The following IKZF3 variants were observed in gnomAD, a reference collection of about 807,000 sequenced individuals.
IKZF3 encodes zinc finger protein Aiolos.
Under a neutral mutation model 49.0 loss-of-function variants are expected in IKZF3, and 10 were observed. That is an observed-to-expected ratio of 0.20 (90% CI 0.13 to 0.35). The LOEUF is 0.35. Among genes scored for constraint, IKZF3 ranks in the 10% least tolerant of loss-of-function variants. The pLI is 1.00. For missense variants in IKZF3, 498 were observed against 664.8 expected (o/e 0.75, Z 2.76); for synonymous variants, 209 against 228.2 (o/e 0.92, Z 0.76).
In IKZF3 at chr17:39,791,405, C is replaced by T. The variant is rs368005069; in HGVS notation, c.592+11G>A. On this transcript the variant is annotated intron_variant, in intron 5 of 7. Coordinates refer to ENST00000346872, the MANE Select transcript of IKZF3 (RefSeq NM_012481.5). ...CTTCCTAGACAAGGAATGCTCATTT[C>T]TCTCACTTACCAGAATGTGTCCTAA... is the stretch of plus-strand genomic sequence containing the variant. 3 of 1,613,214 alleles carry T rather than the reference C, an allele frequency of 1.9e-6. No homozygotes were observed. The African/African-American group carries it at 4.0e-5, about 22-fold the overall frequency.
chr17:39,862,469 A>C (rs1390763080), intron 1 of IKZF3, among the ~76,000 whole-genome samples: 1 of 152,152 alleles, frequency 6.6e-6, no homozygotes, highest in African/African-American at 2.4e-5. Flanking sequence ...AAAATTTTTT[A>C]AATATCAAAA....
rs2060170661 is a variant in IKZF3, at chr17:39,761,008, A to G, written c.*4782T>C. ...TCTGCAGAAAAATACAAAAAAAATTAGCTGTGCATGGTGGTGTGCCTATAG... is the reference window on the plus strand; with the variant it reads ...TCTGCAGAAAAATACAAAAAAAATTGGCTGTGCATGGTGGTGTGCCTATAG... On this transcript the variant is annotated 3_prime_UTR_variant, in exon 8 of 8. Coordinates refer to ENST00000346872, the MANE Select transcript of IKZF3 (RefSeq NM_012481.5). 1 of 150,916 alleles carries G rather than the reference A, an allele frequency of 6.6e-6. No homozygotes were observed. The highest frequency in any genetic ancestry group is 1.5e-5 in the Non-Finnish European group (1 of 68,048). 9.3% of individuals were successfully genotyped at this position (150,916 alleles called of 1,614,324 possible). A position where few individuals can be genotyped will look rare whatever the true frequency, so the allele number is the denominator to read the frequency against.
rs535907655 is a variant in IKZF3, at chr17:39,841,099, C to T, written c.8-8948G>A. 1.1e-4 allele frequency among the ~76,000 whole-genome samples: 16 copies of T among 152,118 alleles called. No individual in the cohort carries two copies. In the South Asian group the frequency reaches 3.3e-3, roughly 32 times the overall value. On this transcript the variant is annotated intron_variant, in intron 1 of 7. Transcript: ENST00000346872. The stretch of plus-strand genomic sequence containing the variant: ...GGCTGAGGTGGGAGGATCACTTGAG[C>T]CCTGGAAGTCGAGGCTGCAGTGAGA...
chr17:39,772,738 G>A (rs1200526426), intron 7 of IKZF3, among the ~76,000 whole-genome samples: 4 of 152,192 alleles, frequency 2.6e-5, no homozygotes, highest in Admixed American at 1.3e-4. Flanking sequence ...TTCTCATGGA[G>A]TCACCAGGGA....
At chr17:39,809,095 C>A (rs1021770387) in intron 3 of IKZF3, among the ~76,000 whole-genome samples, 1 of 152,152 alleles carries the variant, frequency 6.6e-6, no homozygotes, top group Non-Finnish European at 1.5e-5. Context: ...TTTAATGCCA[C>A]CAGACTGATG....
At chr17:39,786,277 G>A (rs2060872828) in intron 6 of IKZF3, among the ~76,000 whole-genome samples, 1 of 152,208 alleles carries the variant, frequency 6.6e-6, no homozygotes, top group African/African-American at 2.4e-5. Flanking sequence ...AAGTTCTGGT[G>A]AATTTTAAGT....
rs375104521 is a variant in IKZF3 at position 39,787,010 on chromosome 17, C to T, written c.709+1248G>A. Among the ~76,000 whole-genome samples, 12 of 152,322 alleles carry T rather than the reference C, an allele frequency of 7.9e-5. No homozygotes were observed. In the East Asian group the frequency reaches 1.2e-3, roughly 15 times the overall value. On this transcript the variant is annotated intron_variant, in intron 6 of 7. Transcript: ENST00000346872. ...AGGGCAGTTTAGGTAGTCATTTCTA[C>T]TCCATTTTTCCTGAGTTTCACATTA...
At chr17:39,785,053 G>A (rs1429670763) in intron 6 of IKZF3, among the ~76,000 whole-genome samples, 1 of 152,094 alleles carries the variant, frequency 6.6e-6, no homozygotes, top group Non-Finnish European at 1.5e-5. Flanking sequence ...TACAAGTGAC[G>A]GATGAGGCAT....
chr17:39,800,019 C>T (rs908113102), intron 3 of IKZF3, among the ~76,000 whole-genome samples: 1 of 152,124 alleles, frequency 6.6e-6, no homozygotes, highest in Non-Finnish European at 1.5e-5. Context: ...GTTTATTTTG[C>T]CCTGATTTCA....
chr17:39,803,140 C>T (rs1336758231), intron 3 of IKZF3, among the ~76,000 whole-genome samples: 1 of 152,138 alleles, frequency 6.6e-6, no homozygotes, highest in Non-Finnish European at 1.5e-5. Context: ...CTAAGCTCTT[C>T]AAATGTCATG....
At chr17:39,838,405 C>G (rs772987934) in intron 1 of IKZF3, among the ~76,000 whole-genome samples, 4 of 152,118 alleles carry the variant, frequency 2.6e-5, no homozygotes, top group Non-Finnish European at 5.9e-5. Context: ...GCTGTTAAGC[C>G]TATCTAATGA....
intron 1 of IKZF3, among the ~76,000 whole-genome samples, chr17:39,852,790 T>C (rs375523373): frequency 6.5e-4 from 99 of 152,150 alleles, no homozygotes; most frequent in African/African-American, 2.2e-3. Context: ...ACCAACAAGG[T>C]GAAACCCTGT....
intron 1 of IKZF3, chr17:39,835,802 C>A: frequency 3.8e-6 from 2 of 522,638 alleles, no homozygotes; most frequent in African/African-American, 1.9e-5. Context: ...TCATGTATGC[C>A]TCATCCACAT....
intron 3 of IKZF3, among the ~76,000 whole-genome samples, chr17:39,793,971 T>C (rs919145286): frequency 2.0e-5 from 3 of 152,244 alleles, no homozygotes; most frequent in Non-Finnish European, 4.4e-5. Context: ...GTAAGGGATT[T>C]TGCATATATA....
intron 1 of IKZF3, among the ~76,000 whole-genome samples, chr17:39,851,467 T>C (rs1488923430): frequency 3.3e-5 from 5 of 152,298 alleles, no homozygotes; most frequent in Admixed American, 3.3e-4. Flanking sequence ...GGTATATCCA[T>C]ACTATTCGAT....
chr17:39,760,331 AT>A lies in IKZF3; in HGVS notation c.*5458del, dbSNP rs796978716. On this transcript the variant is annotated 3_prime_UTR_variant, in exon 8 of 8. Transcript: ENST00000346872. ...ACCACCACACCCAGCTAATTTTTGT[AT>A]TTTTTTTTTCGAGATGGAGTCTCAC... 9.7e-5 allele frequency: 9 copies of A among 92,974 alleles called. No homozygotes were observed. The highest frequency in any genetic ancestry group is 3.0e-4 in the Admixed American group (3 of 10,058). The allele number at this position is 92,974 out of a possible 1,614,324, so 5.8% of individuals were successfully genotyped here.
chr17:39,784,526 C>T (rs2143803217), intron 6 of IKZF3, among the ~76,000 whole-genome samples: 1 of 152,168 alleles, frequency 6.6e-6, no homozygotes, highest in East Asian at 1.9e-4. Flanking sequence ...GCCTCAGCCT[C>T]CTGAGTAGCT....
chr17:39,803,067 T>TA (rs2061358387), intron 3 of IKZF3, among the ~76,000 whole-genome samples: 1 of 152,200 alleles, frequency 6.6e-6, no homozygotes, highest in Non-Finnish European at 1.5e-5. Context: ...GGAGATTTAC[T>TA]ACTTTTACAA....
chr17:39,794,377 T>A (rs2061109931), intron 3 of IKZF3, among the ~76,000 whole-genome samples: 1 of 152,192 alleles, frequency 6.6e-6, no homozygotes, highest in African/African-American at 2.4e-5. Context: ...ACTACATCCC[T>A]TCCAAAAAAC....
Sources: allele counts gnomAD v4.1 joint callset (sites outside exome capture counted in the v4.1 genomes callset), GRCh38; gene constraint gnomAD v4.1.1; transcripts MANE v1.5; gene names NCBI Gene and HGNC (gene_info 2026-07-23, HGNC 2026-07-21).